The following TMEM132D variants were observed in gnomAD, a reference collection of about 807,000 sequenced individuals.
TMEM132D encodes transmembrane protein 132D.
Under a neutral mutation model 62.3 loss-of-function variants are expected in TMEM132D, and 21 were observed. The observed-to-expected ratio is 0.34, with a 90% CI of 0.24 to 0.49. The LOEUF (loss-of-function observed/expected upper bound fraction) is 0.49, where lower values mean the gene tolerates loss of function less well. Ranked by LOEUF, TMEM132D falls within the 20% of genes least tolerant of loss-of-function variation. TMEM132D has a pLI of 0.99. For synonymous variants in TMEM132D, 621 were observed against 575.6 expected (o/e 1.08, Z -1.13); for missense variants, 1,346 against 1,402.8 (o/e 0.96, Z 0.65).
chr12:129,485,403 C>G (rs1301146143), intron 3 of TMEM132D, among the ~76,000 whole-genome samples: 3 of 152,316 alleles, frequency 2.0e-5, no homozygotes, highest in Non-Finnish European at 2.9e-5. Context: ...AAATCACAGG[C>G]ACTTGGATTT....
chr12:129,423,414 TC>T (rs1872387791), intron 3 of TMEM132D, among the ~76,000 whole-genome samples: 1 of 152,146 alleles, frequency 6.6e-6, no homozygotes, highest in Non-Finnish European at 1.5e-5. Context: ...TTCTGCAACA[TC>T]CGGCAACACG....
At chr12:129,400,223 A>C (rs1871579116) in intron 3 of TMEM132D, among the ~76,000 whole-genome samples, 1 of 152,158 alleles carries the variant, frequency 6.6e-6, no homozygotes, top group Admixed American at 6.6e-5. Context: ...GAAGAAACAC[A>C]AACGGTCAAA....
At chr12:129,239,116 A>T (rs1312956463) in intron 4 of TMEM132D, among the ~76,000 whole-genome samples, 1 of 142,116 alleles carries the variant, frequency 7.0e-6, no homozygotes, top group Non-Finnish European at 1.5e-5. Context: ...CGTGCTTGTT[A>T]TTACCCATTT....
intron 1 of TMEM132D, among the ~76,000 whole-genome samples, chr12:129,704,292 C>G (rs1487940415): frequency 1.3e-5 from 2 of 152,208 alleles, no homozygotes; most frequent in African/African-American, 4.8e-5. Context: ...AGGCAGCTGA[C>G]AAATCTACCC....
chr12:129,459,217 C>T (rs1593018722), intron 3 of TMEM132D, among the ~76,000 whole-genome samples: 1 of 152,106 alleles, frequency 6.6e-6, no homozygotes, highest in Admixed American at 6.6e-5. Context: ...GCCTGGTAAT[C>T]GCTGGACTTT....
intron 8 of TMEM132D, among the ~76,000 whole-genome samples, chr12:129,077,651 GAC>G (rs1343513140): frequency 4.7e-5 from 7 of 149,916 alleles, no homozygotes; most frequent in Admixed American, 2.0e-4. Context: ...CATGCATACG[GAC>G]ACACATAAAG....
intron 3 of TMEM132D, among the ~76,000 whole-genome samples, chr12:129,439,179 A>G (rs78604475): frequency 0.021 from 3,207 of 152,338 alleles, 92 homozygotes; most frequent in African/African-American, 0.059. Context: ...AAATGAGAGT[A>G]GTCAGAGAGT....
At chr12:129,689,691 A>G (rs1881017750) in intron 2 of TMEM132D, among the ~76,000 whole-genome samples, 1 of 152,206 alleles carries the variant, frequency 6.6e-6, no homozygotes, top group African/African-American at 2.4e-5. Flanking sequence ...CTAGGGCTTC[A>G]TGAGCCATAC....
chr12:129,622,083 T>G (rs1437602459), intron 2 of TMEM132D, among the ~76,000 whole-genome samples: 1 of 152,114 alleles, frequency 6.6e-6, no homozygotes, highest in East Asian at 1.9e-4. Flanking sequence ...AGTAGGTACG[T>G]GGGGGAACTC....
chr12:129,319,349 C>A (rs1358902056), intron 4 of TMEM132D, among the ~76,000 whole-genome samples: 1 of 152,182 alleles, frequency 6.6e-6, no homozygotes, highest in Non-Finnish European at 1.5e-5. Flanking sequence ...AAGTTAGAAA[C>A]TTCTTCCACA....
At chr12:129,190,934 G>A (rs898017980) in intron 5 of TMEM132D, among the ~76,000 whole-genome samples, 1 of 152,068 alleles carries the variant, frequency 6.6e-6, no homozygotes, top group Non-Finnish European at 1.5e-5. Flanking sequence ...GACAGGCTCC[G>A]GGTGCTGCCT....
At chr12:129,443,721 G>A (rs1028857084) in intron 3 of TMEM132D, among the ~76,000 whole-genome samples, 2 of 152,108 alleles carry the variant, frequency 1.3e-5, no homozygotes, top group Non-Finnish European at 2.9e-5. Flanking sequence ...TCTCTGGAGT[G>A]CCATCTCTCC....
At chr12:129,820,523 G>A (rs1872515891) in intron 1 of TMEM132D, among the ~76,000 whole-genome samples, 2 of 152,148 alleles carry the variant, frequency 1.3e-5, no homozygotes, top group Admixed American at 6.5e-5. Context: ...GGTTATTTGA[G>A]TGGAGTGTTC....
At chr12:129,529,634 G>A (rs1317553689) in intron 3 of TMEM132D, among the ~76,000 whole-genome samples, 4 of 152,184 alleles carry the variant, frequency 2.6e-5, no homozygotes, top group South Asian at 2.1e-4. Flanking sequence ...AAGTTCACCG[G>A]TTGAGATTCT....
At chr12:129,799,296 AAAC>A (rs1871668615) in intron 1 of TMEM132D, among the ~76,000 whole-genome samples, 1 of 152,072 alleles carries the variant, frequency 6.6e-6, no homozygotes, top group African/African-American at 2.4e-5. Context: ...ACAAACAAAC[AAAC>A]AAAAAATATA....
chr12:129,719,604 T>C (rs1868739136), intron 1 of TMEM132D, among the ~76,000 whole-genome samples: 1 of 152,244 alleles, frequency 6.6e-6, no homozygotes. Flanking sequence ...TTGTTTCCCA[T>C]ATGGAAAACT....
intron 1 of TMEM132D, among the ~76,000 whole-genome samples, chr12:129,751,165 A>G (rs1337751369): frequency 6.6e-6 from 1 of 152,202 alleles, no homozygotes; most frequent in Non-Finnish European, 1.5e-5. Flanking sequence ...TTACAGAGAA[A>G]AGAGGTTTAA....
intron 8 of TMEM132D, among the ~76,000 whole-genome samples, chr12:129,077,777 T>C (rs1468055039): frequency 6.6e-6 from 1 of 151,550 alleles, no homozygotes; most frequent in East Asian, 1.9e-4. Flanking sequence ...AACACACATA[T>C]ATACATGCAT....
chr12:129,777,219 C>T (rs947917094), intron 1 of TMEM132D, among the ~76,000 whole-genome samples: 2 of 152,126 alleles, frequency 1.3e-5, no homozygotes, highest in African/African-American at 2.4e-5. Flanking sequence ...AGGTGAAAAG[C>T]GAGTCAGGCA....
Sources: allele counts gnomAD v4.1 joint callset (sites outside exome capture counted in the v4.1 genomes callset), GRCh38; gene constraint gnomAD v4.1.1; transcripts MANE v1.5; gene names NCBI Gene and HGNC (gene_info 2026-07-23, HGNC 2026-07-21).